Variants in CTNNA2 observed in about 807,000 individuals in gnomAD.
CTNNA2 encodes the protein catenin alpha 2.
CTNNA2 carries 42 observed loss-of-function variants against 101.0 expected under a neutral mutation model. That is an observed-to-expected ratio of 0.42 (90% CI 0.32 to 0.54). The LOEUF (loss-of-function observed/expected upper bound fraction) is 0.54. CTNNA2 is among the 20% of genes least tolerant of loss of function. The pLI is 0.14. For missense variants in CTNNA2, 871 were observed against 1,223.1 expected (o/e 0.71, Z 4.29); for synonymous variants, 450 against 456.4 (o/e 0.99, Z 0.18).
chr2:79,436,821 T>TG (rs1238513785), intron 4 of CTNNA2, among the ~76,000 whole-genome samples: 1 of 151,952 alleles, frequency 6.6e-6, no homozygotes, highest in Non-Finnish European at 1.5e-5. Flanking sequence ...TTAGTAGAGA[T>TG]GGGGTGTCAC....
At chr2:79,863,150 CA>C (rs869162701) in intron 4 of CTNNA2, among the ~76,000 whole-genome samples, 3 of 98,910 alleles carry the variant, frequency 3.0e-5, no homozygotes, top group East Asian at 1.2e-3. Flanking sequence ...AAACAAACAA[CA>C]AAAAAAAGTT....
chr2:80,227,217 G>C (rs913513828), intron 7 of CTNNA2, among the ~76,000 whole-genome samples: 1 of 152,114 alleles, frequency 6.6e-6, no homozygotes, highest in Non-Finnish European at 1.5e-5. Context: ...TCATGGGCCT[G>C]TGTTTCCAAG....
intron 3 of CTNNA2, among the ~76,000 whole-genome samples, chr2:79,369,988 A>G (rs142003035): frequency 1.3e-5 from 2 of 152,342 alleles, no homozygotes; most frequent in Non-Finnish European, 2.9e-5. Flanking sequence ...ATATTTTACT[A>G]CTGTCAATCT....
chr2:79,290,754 G>A (rs1202901030), intron 2 of CTNNA2, among the ~76,000 whole-genome samples: 3 of 152,092 alleles, frequency 2.0e-5, no homozygotes, highest in Non-Finnish European at 4.4e-5. Context: ...CTCCCTTCCG[G>A]CTTCCCCATC....
intron 1 of CTNNA2, among the ~76,000 whole-genome samples, chr2:79,546,930 G>T (rs1203355194): frequency 6.6e-6 from 1 of 152,104 alleles, no homozygotes; most frequent in Non-Finnish European, 1.5e-5. Context: ...AAGCCTTAAG[G>T]CCTGCTCAAC....
intron 7 of CTNNA2, among the ~76,000 whole-genome samples, chr2:79,993,430 G>C: frequency 6.6e-6 from 1 of 152,206 alleles, no homozygotes; most frequent in East Asian, 1.9e-4. Context: ...CTAAAACCAA[G>C]AATGGAAACC....
intron 7 of CTNNA2, among the ~76,000 whole-genome samples, chr2:80,234,154 C>A (rs1266855166): frequency 6.6e-6 from 1 of 152,074 alleles, no homozygotes; most frequent in Non-Finnish European, 1.5e-5. Context: ...TCAAGCAATT[C>A]TCCTGCCTCA....
intron 2 of CTNNA2, among the ~76,000 whole-genome samples, chr2:79,733,874 G>A (rs968022520): frequency 1.3e-5 from 2 of 152,060 alleles, no homozygotes; most frequent in Admixed American, 6.6e-5. Flanking sequence ...ATCAAAGAGT[G>A]CAATAAAAAG....
chr2:80,177,199 GT>G (rs1705445882), intron 7 of CTNNA2, among the ~76,000 whole-genome samples: 1 of 152,182 alleles, frequency 6.6e-6, no homozygotes, highest in Non-Finnish European at 1.5e-5. Flanking sequence ...TCTAAAGTGA[GT>G]GCCTTGGTCA....
At chr2:79,364,842 A>G (rs185785539) in intron 3 of CTNNA2, among the ~76,000 whole-genome samples, 156 of 152,314 alleles carry the variant, frequency 1.0e-3, no homozygotes, top group Middle Eastern at 3.4e-3. Flanking sequence ...AATATGCAGA[A>G]ACTATTTCTT....
At chr2:79,737,396 T>C (rs1054800065) in intron 2 of CTNNA2, among the ~76,000 whole-genome samples, 12 of 151,868 alleles carry the variant, frequency 7.9e-5, no homozygotes, top group Non-Finnish European at 5.9e-5. Context: ...TTTTTTTCGC[T>C]TCAGCTAGAC....
At chr2:80,146,909 C>A (rs1412607725) in intron 7 of CTNNA2, among the ~76,000 whole-genome samples, 1 of 148,286 alleles carries the variant, frequency 6.7e-6, no homozygotes, top group Non-Finnish European at 1.5e-5. Context: ...TCCACCACCA[C>A]GCCCTGCTAA....
Position 79,486,223 on chromosome 2 carries a change from C to G in CTNNA2, c.-134-18831C>G, listed in dbSNP as rs374662428. 1.9e-4 allele frequency among the ~76,000 whole-genome samples: 28 copies of G among 144,032 alleles called. No homozygotes were observed. The East Asian group carries it at 5.2e-3, about 27-fold the overall frequency. The allele number at this position is 144,032 out of a possible 152,430, so 94.5% of individuals were successfully genotyped here. A position where few individuals can be genotyped will look rare whatever the true frequency, so the allele number is the denominator to read the frequency against. ...ATATCTCCTAATGCTATCCCTCCCC[C>G]CTTCCCCCACCCCACAACAATCCCC... On this transcript the variant is annotated intron_variant, in intron 4 of 21. Coordinates refer to the CTNNA2 transcript ENST00000466387.
chr2:80,557,501 C>T (rs1693147607), intron 12 of CTNNA2, among the ~76,000 whole-genome samples: 1 of 152,142 alleles, frequency 6.6e-6, no homozygotes, highest in Admixed American at 6.6e-5. Flanking sequence ...CAGAGTAACA[C>T]TCACCTGGGT....
chr2:80,411,463 C>G (rs1362909391), intron 8 of CTNNA2, among the ~76,000 whole-genome samples: 1 of 152,130 alleles, frequency 6.6e-6, no homozygotes, highest in African/African-American at 2.4e-5. Context: ...TTTATCCTCT[C>G]CACAGGGGCT....
intron 4 of CTNNA2, among the ~76,000 whole-genome samples, chr2:79,480,168 G>A (rs1412565693): frequency 2.6e-5 from 4 of 151,908 alleles, no homozygotes; most frequent in Admixed American, 2.0e-4. Context: ...AGCTCTCTGG[G>A]GAACTCTCTT....
In CTNNA2 at chr2:80,409,288, C is replaced by A. The variant is rs116625791; in HGVS notation, c.1138-10161C>A. 9.9e-3 allele frequency among the ~76,000 whole-genome samples: 1,502 copies of A among 151,600 alleles called. 33 individuals are homozygous for A. The highest frequency in any genetic ancestry group is 0.034 in the African/African-American group (1,410 of 41,294). On this transcript the variant is annotated intron_variant, in intron 8 of 18. Transcript: ENST00000402739. Reference sequence around the variant, plus strand: ...AGGGGTGGAGAAATCTTAAGAGAATCTTTAAGTAATAAAAAAAAAAAGTGC... The same window carrying A: ...AGGGGTGGAGAAATCTTAAGAGAATATTTAAGTAATAAAAAAAAAAAGTGC...
chr2:79,216,932 G>A (rs773594535), intron 2 of CTNNA2, among the ~76,000 whole-genome samples: 31 of 152,248 alleles, frequency 2.0e-4, no homozygotes, highest in East Asian at 3.9e-4. Context: ...TCAGAGAGGC[G>A]TCCCTGCAAT....
chr2:79,402,573 A>G (rs1678301513), intron 4 of CTNNA2, among the ~76,000 whole-genome samples: 2 of 151,748 alleles, frequency 1.3e-5, no homozygotes, highest in Non-Finnish European at 1.5e-5. Context: ...TAAAAGTTAT[A>G]TAAATATGGT....
Sources: allele counts gnomAD v4.1 joint callset (sites outside exome capture counted in the v4.1 genomes callset), GRCh38; gene constraint gnomAD v4.1.1; transcripts MANE v1.5; gene names NCBI Gene and HGNC (gene_info 2026-07-23, HGNC 2026-07-21).